The following TMPRSS2 variants were observed in gnomAD, a reference collection of about 807,000 sequenced individuals.
TMPRSS2 encodes transmembrane serine protease 2, also known as transmembrane protease serine 2.
In TMPRSS2, 59 loss-of-function variants were observed where a neutral mutation model predicts 67.4. That is an observed-to-expected ratio of 0.88 (90% CI 0.71 to 1.09). The LOEUF (loss-of-function observed/expected upper bound fraction) is 1.09, where lower values mean the gene tolerates loss of function less well. Ranked by LOEUF, TMPRSS2 falls within the 50% of genes least tolerant of loss-of-function variation. The pLI, the probability that TMPRSS2 is intolerant of heterozygous loss-of-function variation, is 0.00. For synonymous variants in TMPRSS2, 257 were observed against 257.0 expected, an observed-to-expected ratio of 1.00 and a Z score of 0.00; for missense variants, 668 against 642.7, an observed-to-expected ratio of 1.04 and a Z score of -0.43.
intron 5 of TMPRSS2, among the ~76,000 whole-genome samples, chr21:41,481,907 A>G (rs886926538): frequency 1.6e-4 from 24 of 152,218 alleles, no homozygotes; most frequent in East Asian, 9.7e-4. Context: ...ACTAAAATGC[A>G]AAAATTAGCC....
chr21:41,466,046 C>T lies in TMPRSS2; in HGVS notation c.*96G>A, dbSNP rs2091080288. ...CACTGTTTAATAAAAATGAAGTGAC[C>T]TCTGAATCATCTCTAAGAGTAAATC... On this transcript the variant is annotated 3_prime_UTR_variant, in exon 14 of 14. Transcript: ENST00000332149. 1.4e-6 allele frequency: 2 copies of T among 1,458,724 alleles called. No individual in the cohort carries two copies. Among genetic ancestry groups the T allele is most frequent in the Admixed American group, 3.6e-5 (2 of 55,666 alleles). The allele number at this position is 1,458,724 out of a possible 1,614,324, so 90.4% of individuals were successfully genotyped here. A position where few individuals can be genotyped will look rare whatever the true frequency, so the allele number is the denominator to read the frequency against.
At chr21:41,466,202 A>G (rs913316256) in intron 13 of TMPRSS2, 49 bp from the exon 14 acceptor site, 1 of 1,606,952 alleles carries the variant, frequency 6.2e-7, no homozygotes, top group Non-Finnish European at 8.5e-7. Context: ...AAGACAAACA[A>G]AGGTGGAAAA....
intron 1 of TMPRSS2, among the ~76,000 whole-genome samples, chr21:41,505,844 A>C (rs1053618486): frequency 6.6e-6 from 1 of 152,184 alleles, no homozygotes; most frequent in African/African-American, 2.4e-5. Flanking sequence ...GCCCCTTCTA[A>C]GCATCCTGTG....
At chr21:41,473,981 A>G (rs1175258565) in intron 8 of TMPRSS2, among the ~76,000 whole-genome samples, 1 of 21,384 alleles carries the variant, frequency 4.7e-5, no homozygotes, top group South Asian at 2.5e-3. Flanking sequence ...AGGATGAGGG[A>G]GTAATTGAGG....
chr21:41,494,309 C>G, intron 3 of TMPRSS2, 47 bp downstream of exon 3: 1 of 1,600,686 alleles, frequency 6.2e-7, no homozygotes, highest in Non-Finnish European at 8.5e-7. Context: ...GAGGTAGACC[C>G]GGGACCCCGG....
rs760157432 is a variant in TMPRSS2, at chr21:41,466,191, T to C, written c.1468-38A>G. ...GAAAAAAAAAAGTGTGTTATTTTCT[T>C]AAGACAAACAAAGGTGGAAAATAAT... is the stretch of plus-strand genomic sequence containing the variant. On this transcript the variant is annotated intron_variant, in intron 13 of 13. Coordinates refer to ENST00000332149, the MANE Select transcript of TMPRSS2 (RefSeq NM_005656.4). The C allele has an allele frequency of 3.7e-6, 6 of 1,611,770 alleles. No homozygotes were observed. In the African/African-American group the frequency reaches 8.0e-5, roughly 22 times the overall value.
At chr21:41,481,932 G>A (rs2091260247) in intron 5 of TMPRSS2, among the ~76,000 whole-genome samples, 1 of 152,008 alleles carries the variant, frequency 6.6e-6, no homozygotes, top group Non-Finnish European at 1.5e-5. Context: ...GTGGTGGCAC[G>A]CATCTGTAAT....
At chr21:41,505,966 C>A (rs1482937183) in intron 1 of TMPRSS2, among the ~76,000 whole-genome samples, 1 of 152,238 alleles carries the variant, frequency 6.6e-6, no homozygotes, top group Admixed American at 6.5e-5. Context: ...AGCTTCCCAA[C>A]CTCTCTTCCC....
At chr21:41,492,509 G>T (rs185726773) in intron 3 of TMPRSS2, among the ~76,000 whole-genome samples, 9 of 152,154 alleles carry the variant, frequency 5.9e-5, no homozygotes, top group African/African-American at 2.2e-4. Context: ...CAATAACTGG[G>T]AGAAGAGTTT....
intron 2 of TMPRSS2, among the ~76,000 whole-genome samples, chr21:41,496,713 C>T (rs1300116114): frequency 3.9e-5 from 6 of 152,052 alleles, no homozygotes; most frequent in East Asian, 1.9e-4. Flanking sequence ...CAGCTCTCCC[C>T]GGTTACCTGT....
At position 41,464,858 on chromosome 21, in the gene TMPRSS2, G is replaced by C. The variant is rs2091071988; in HGVS notation, c.*1284C>G. ...ATTTCAAGGTTAAGTCCTAGCTGTA[G>C]AATCATTCATTTCATTCTTGCAAAC... On this transcript the variant is annotated 3_prime_UTR_variant, in exon 14 of 14. Coordinates refer to ENST00000332149, the MANE Select transcript of TMPRSS2 (RefSeq NM_005656.4). The C allele has an allele frequency of 8.6e-6, 2 of 233,138 alleles. No individual in the cohort carries two copies. Among genetic ancestry groups the C allele is most frequent in the Non-Finnish European group, 1.7e-5 (2 of 118,052 alleles). The allele number at this position is 233,138 out of a possible 1,614,324, so 14.4% of individuals were successfully genotyped here. A position where few individuals can be genotyped will look rare whatever the true frequency, so the allele number is the denominator to read the frequency against.
intron 1 of TMPRSS2, among the ~76,000 whole-genome samples, chr21:41,499,832 G>C (rs146374360): frequency 6.6e-6 from 1 of 152,134 alleles, no homozygotes; most frequent in Non-Finnish European, 1.5e-5. Context: ...GCACCTTCCT[G>C]AGCAAATAAA....
At chr21:41,489,840 G>T (rs1314591297) in intron 3 of TMPRSS2, among the ~76,000 whole-genome samples, 1 of 152,064 alleles carries the variant, frequency 6.6e-6, no homozygotes, top group African/African-American at 2.4e-5. Context: ...CCGAGGTTAG[G>T]CTCTTTTAAA....
intron 7 of TMPRSS2, among the ~76,000 whole-genome samples, chr21:41,477,887 C>A (rs940681968): frequency 3.4e-5 from 5 of 145,780 alleles, no homozygotes; most frequent in African/African-American, 1.3e-4. Context: ...CTCCCCCCAC[C>A]ACCACCACCG....
chr21:41,483,006 C>T (rs2146456717), intron 5 of TMPRSS2, among the ~76,000 whole-genome samples: 1 of 152,214 alleles, frequency 6.6e-6, no homozygotes, highest in South Asian at 2.1e-4. Context: ...CTACTCTGGA[C>T]GATACTATCA....
Position 41,476,609 on chromosome 21 carries a change from G to C in TMPRSS2, c.695C>G (p.Ser232Cys). The C allele has an allele frequency of 6.3e-7, 1 of 1,588,448 alleles. No homozygotes were observed. The highest frequency in any genetic ancestry group is 1.7e-5 in the Admixed American group (1 of 57,258). Residue 232 changes from serine (S) to cysteine (C), a missense_variant, in exon 8 of 14, where the codon TCT (serine) becomes TGT (cysteine). By Grantham distance (112) the Ser-to-Cys change is moderately radical. Transcript: ENST00000332149. ...YKKLYHSDAC[S>C]SKAVVSLRCI... ...GCGTAAAGAAACCACTGCTTTTGAAGAACAGGCATCACTGCAAAAAGAACA... is the reference window on the plus strand; with the variant it reads ...GCGTAAAGAAACCACTGCTTTTGAACAACAGGCATCACTGCAAAAAGAACA...
In TMPRSS2 at chr21:41,466,059, C is replaced by T. The variant is rs2091080377; in HGVS notation, c.*83G>A. On this transcript the variant is annotated 3_prime_UTR_variant, in exon 14 of 14. Transcript: ENST00000332149. ...AAATGAAGTGACCTCTGAATCATCT[C>T]TAAGAGTAAATCATGCACGGGGAAG... is the stretch of plus-strand genomic sequence containing the variant. The T allele has an allele frequency of 6.6e-7, 1 of 1,519,704 alleles. No homozygotes were observed. The allele number at this position is 1,519,704 out of a possible 1,614,324, so 94.1% of individuals were successfully genotyped here.
At position 41,464,619 on chromosome 21, in the gene TMPRSS2, TAA is replaced by T. The variant is rs1434471055; in HGVS notation, c.*1521_*1522del. The T allele has an allele frequency of 8.6e-6, 2 of 232,706 alleles. No homozygotes were observed. Among genetic ancestry groups the T allele is most frequent in the Non-Finnish European group, 1.7e-5 (2 of 117,790 alleles). The allele number at this position is 232,706 out of a possible 1,614,324, so 14.4% of individuals were successfully genotyped here. A position where few individuals can be genotyped will look rare whatever the true frequency, so the allele number is the denominator to read the frequency against. ...ATTTTCACAATTGAACTTTACAGTT[TAA>T]AAAAGATACAAAAAAAGACAAACAG... On this transcript the variant is annotated 3_prime_UTR_variant, in exon 14 of 14. Coordinates refer to ENST00000332149, the MANE Select transcript of TMPRSS2 (RefSeq NM_005656.4).
Position 41,473,470 on chromosome 21 carries a change from G to T in TMPRSS2, c.754C>A (p.Arg252Ser), listed in dbSNP as rs762854045. 4 of 1,609,466 alleles carry T rather than the reference G, an allele frequency of 2.5e-6. No homozygotes were observed. The highest frequency in any genetic ancestry group is 3.4e-6 in the Non-Finnish European group (4 of 1,178,510). ...TCGCCGCCCACAATCCTGCTCTGGC[G>T]GCTTGAGTTCAAGTTGACCCCGCAG... ...IACGVNLNSS[R>S]QSRIVGGESA... Residue 252 changes from arginine to serine, a missense_variant, in exon 9 of 14, where the codon CGC (arginine) becomes AGC (serine). Coordinates refer to ENST00000332149, the MANE Select transcript of TMPRSS2 (RefSeq NM_005656.4).
Sources: allele counts gnomAD v4.1 joint callset (sites outside exome capture counted in the v4.1 genomes callset), GRCh38; gene constraint gnomAD v4.1.1; transcripts MANE v1.5; gene names NCBI Gene and HGNC (gene_info 2026-07-23, HGNC 2026-07-21).